Variants in OSBPL1A observed in about 807,000 individuals in gnomAD.
OSBPL1A encodes the protein oxysterol binding protein like 1A, also known as oxysterol-binding protein-related protein 1.
OSBPL1A carries 80 observed loss-of-function variants against 137.1 expected under a neutral mutation model. The observed-to-expected ratio is 0.58, with a 90% CI of 0.49 to 0.70. The LOEUF is 0.70. OSBPL1A is among the 30% of genes least tolerant of loss of function. The pLI, the probability that OSBPL1A is intolerant of heterozygous loss-of-function variation, is 0.00. For synonymous variants in OSBPL1A, 365 were observed against 389.7 expected (o/e 0.94, Z 0.75); for missense variants, 970 against 1,129.4 (o/e 0.86, Z 2.02).
intron 17 of OSBPL1A, among the ~76,000 whole-genome samples, chr18:24,210,940 A>G (rs1346887640): frequency 1.4e-5 from 2 of 142,334 alleles, no homozygotes; most frequent in Admixed American, 7.5e-5. Context: ...AGTAAAAGTG[A>G]TATGTTAACC....
intron 4 of OSBPL1A, chr18:24,357,624 T>C (rs1001863753): frequency 6.6e-6 from 1 of 152,140 alleles, no homozygotes; most frequent in Non-Finnish European, 1.5e-5. Flanking sequence ...AAAATGAGTT[T>C]GGGGTCCCAA....
intron 7 of OSBPL1A, among the ~76,000 whole-genome samples, chr18:24,324,834 T>A (rs1265325564): frequency 6.9e-6 from 1 of 145,610 alleles, no homozygotes; most frequent in Non-Finnish European, 1.5e-5. Context: ...ATGCCTGTTA[T>A]CCCAGCACTT....
chr18:24,229,977 T>G (rs1341487968), intron 16 of OSBPL1A, among the ~76,000 whole-genome samples: 1 of 152,212 alleles, frequency 6.6e-6, no homozygotes, highest in Non-Finnish European at 1.5e-5. Flanking sequence ...CTTGAACTCC[T>G]GGCCTCAGGT....
rs572046111 is a variant in OSBPL1A, at chr18:24,317,652, A to G, written c.733-252T>C. 3.9e-5 allele frequency among the ~76,000 whole-genome samples: 6 copies of G among 152,348 alleles called. No homozygotes were observed. In the East Asian group the frequency reaches 1.2e-3, roughly 29 times the overall value. ...ATGATTACAGTTTATGGTTCTGACA[A>G]AACTGTTCAGGGATTATTTACAGAA... On this transcript the variant is annotated intron_variant, in intron 9 of 27. Transcript: ENST00000319481.
intron 1 of OSBPL1A, among the ~76,000 whole-genome samples, chr18:24,388,502 A>T (rs1209018020): frequency 6.6e-6 from 1 of 152,084 alleles, no homozygotes; most frequent in Non-Finnish European, 1.5e-5. Context: ...ACACATTTTT[A>T]AAAATTTGTA....
intron 20 of OSBPL1A, 135 bp downstream of exon 20, chr18:24,179,603 G>C (rs925152108): frequency 2.8e-5 from 19 of 680,128 alleles, no homozygotes; most frequent in East Asian, 1.4e-4. Flanking sequence ...TAAAATAATA[G>C]CTATCCTAGA....
At chr18:24,166,557 G>A (rs775279846) in intron 26 of OSBPL1A, 22 bp downstream of exon 26, 1 of 1,595,904 alleles carries the variant, frequency 6.3e-7, no homozygotes, top group Admixed American at 1.8e-5. Flanking sequence ...CTTCACTGGT[G>A]GCTTTGGCGG....
intron 14 of OSBPL1A, among the ~76,000 whole-genome samples, chr18:24,298,753 C>G (rs2090343573): frequency 6.6e-6 from 1 of 152,166 alleles, no homozygotes. Context: ...GTCCATTGTT[C>G]CACAGTGTAG....
intron 17 of OSBPL1A, among the ~76,000 whole-genome samples, chr18:24,204,916 C>G (rs2087327752): frequency 6.6e-6 from 1 of 152,084 alleles, no homozygotes; most frequent in African/African-American, 2.4e-5. Context: ...TCAGGGAAGA[C>G]AGAAAAAGTT....
intron 1 of OSBPL1A, among the ~76,000 whole-genome samples, chr18:24,396,176 C>T (rs1599748776): frequency 1.3e-5 from 2 of 150,400 alleles, no homozygotes; most frequent in African/African-American, 2.4e-5. Flanking sequence ...CCTGAGATCG[C>T]GCCACTGCAC....
At chr18:24,238,294 T>C (rs530802213) in intron 16 of OSBPL1A, among the ~76,000 whole-genome samples, 1 of 152,270 alleles carries the variant, frequency 6.6e-6, no homozygotes, top group African/African-American at 2.4e-5. Flanking sequence ...CTATTATATA[T>C]GCATTTCATT....
intron 1 of OSBPL1A, among the ~76,000 whole-genome samples, chr18:24,388,140 A>G (rs774758029): frequency 1.3e-5 from 2 of 152,208 alleles, no homozygotes; most frequent in African/African-American, 2.4e-5. Flanking sequence ...TCCATCTCCA[A>G]TATCACCTAG....
chr18:24,175,137 CACATAT>C (rs1274877261), intron 21 of OSBPL1A, among the ~76,000 whole-genome samples: 1 of 51,794 alleles, frequency 1.9e-5, no homozygotes, highest in Non-Finnish European at 4.0e-5. Context: ...TATATATATA[CACATAT>C]ATATATATAT....
rs1442699391 is a variant in OSBPL1A, at chr18:24,376,998, C to T, written c.121+415G>A. 3.3e-5 allele frequency among the ~76,000 whole-genome samples: 5 copies of T among 152,354 alleles called. No individual in the cohort carries two copies. In the East Asian group the frequency reaches 7.7e-4, roughly 24 times the overall value. On this transcript the variant is annotated intron_variant, in intron 2 of 27. Coordinates refer to ENST00000319481, the MANE Select transcript of OSBPL1A (RefSeq NM_080597.4). ...ACACCTCCCTGCAAGCCGAGGGAGC[C>T]GGCTCCAGCCTTGGCCAGCACAGAA...
chr18:24,211,559 C>T (rs1464170224), intron 17 of OSBPL1A, among the ~76,000 whole-genome samples: 2 of 149,748 alleles, frequency 1.3e-5, no homozygotes, highest in African/African-American at 5.1e-5. Flanking sequence ...CTACTCCCCA[C>T]CACAAGAGTC....
At chr18:24,317,978 T>C (rs1302734580) in intron 9 of OSBPL1A, among the ~76,000 whole-genome samples, 1 of 152,142 alleles carries the variant, frequency 6.6e-6, no homozygotes, top group African/African-American at 2.4e-5. Context: ...ACAAAAATAA[T>C]ACTGTAATTC....
chr18:24,249,101 G>T (rs1174651153), intron 15 of OSBPL1A, among the ~76,000 whole-genome samples: 1 of 152,138 alleles, frequency 6.6e-6, no homozygotes, highest in Non-Finnish European at 1.5e-5. Context: ...ACAACAGTTT[G>T]CTCTTCAACT....
intron 7 of OSBPL1A, chr18:24,321,828 T>C (rs2090865956): frequency 2.4e-6 from 1 of 420,182 alleles, no homozygotes; most frequent in Non-Finnish European, 4.7e-6. Flanking sequence ...TAGGAAGAGA[T>C]ACAGAGTGGC....
intron 1 of OSBPL1A, among the ~76,000 whole-genome samples, chr18:24,395,662 C>A (rs1907683713): frequency 2.0e-5 from 3 of 151,774 alleles, no homozygotes; most frequent in African/African-American, 7.2e-5. Context: ...CTCTTGTCGC[C>A]CAGGCTGCAG....
Sources: allele counts gnomAD v4.1 joint callset (sites outside exome capture counted in the v4.1 genomes callset), GRCh38; gene constraint gnomAD v4.1.1; transcripts MANE v1.5; gene names NCBI Gene and HGNC (gene_info 2026-07-23, HGNC 2026-07-21).